The following PCDHGA9 variants were observed in gnomAD, a reference collection of about 807,000 sequenced individuals.
PCDHGA9 encodes protocadherin gamma-A9.
In PCDHGA9, 37 loss-of-function variants were observed where a neutral mutation model predicts 62.5. The ratio of observed to expected loss-of-function variants is 0.59; its 90% confidence interval spans 0.46 to 0.78. PCDHGA9 has a LOEUF of 0.78. PCDHGA9 is among the 30% of genes least tolerant of loss of function. PCDHGA9 has a pLI of 0.00. For synonymous variants in PCDHGA9, 459 were observed against 484.6 expected, an observed-to-expected ratio of 0.95 and a Z score of 0.69; for missense variants, 1,138 against 1,166.2, an observed-to-expected ratio of 0.98 and a Z score of 0.35.
intron 3 of PCDHGA9, among the ~76,000 whole-genome samples, chr5:141,507,760 T>G (rs2099863136): frequency 6.6e-6 from 1 of 152,202 alleles, no homozygotes; most frequent in Non-Finnish European, 1.5e-5. Context: ...GCCTCCCACC[T>G]TTGGCCCACA....
chr5:141,415,730 G>A lies in PCDHGA9; in HGVS notation c.2424+10354G>A. On this transcript the variant is annotated intron_variant, in intron 1 of 3. Transcript: ENST00000573521. Reference sequence around the variant, plus strand: ...AAAACACTGATGAGTAGAATTTGATGTTTATTAAGGTTTTTTTTTTTTTTT... The same window carrying A: ...AAAACACTGATGAGTAGAATTTGATATTTATTAAGGTTTTTTTTTTTTTTT... 4 of 476,826 alleles carry A rather than the reference G, an allele frequency of 8.4e-6. No individual in the cohort carries two copies. The South Asian group carries it at 2.0e-4, about 24-fold the overall frequency. The allele number at this position is 476,826 out of a possible 1,614,324, so 29.5% of individuals were successfully genotyped here. A position where few individuals can be genotyped will look rare whatever the true frequency, so the allele number is the denominator to read the frequency against.
In PCDHGA9 at chr5:141,421,044, C is replaced by A. The variant is rs556562994; in HGVS notation, c.2424+15668C>A. 5.5e-6 allele frequency: 3 copies of A among 548,610 alleles called. No individual in the cohort carries two copies. In the South Asian group the frequency reaches 8.2e-5, roughly 15 times the overall value. The allele number at this position is 548,610 out of a possible 1,614,324, so 34.0% of individuals were successfully genotyped here. A position where few individuals can be genotyped will look rare whatever the true frequency, so the allele number is the denominator to read the frequency against. ...CGCGCCATTGAGTCCCTCCCTCCCCCGCCTCTACCACACAAAGCGGAATGA... is the reference window on the plus strand; with the variant it reads ...CGCGCCATTGAGTCCCTCCCTCCCCAGCCTCTACCACACAAAGCGGAATGA... On this transcript the variant is annotated intron_variant, in intron 1 of 3. Transcript: ENST00000573521.
chr5:141,419,258 C>A, intron 1 of PCDHGA9: 3 of 1,614,028 alleles, frequency 1.9e-6, no homozygotes, highest in Non-Finnish European at 2.5e-6. Flanking sequence ...AAACAACCAG[C>A]CGGGTGCCTC....
intron 1 of PCDHGA9, among the ~76,000 whole-genome samples, chr5:141,447,413 C>T (rs1279399546): frequency 6.6e-6 from 1 of 152,204 alleles, no homozygotes; most frequent in Non-Finnish European, 1.5e-5. Flanking sequence ...GCTGGGATTA[C>T]AGGCGTGAGC....
At chr5:141,478,720 G>T (rs2154576937) in intron 1 of PCDHGA9, 1 of 1,543,694 alleles carries the variant, frequency 6.5e-7, no homozygotes, top group Admixed American at 2.0e-5. Context: ...ATGGTGGCCT[G>T]CCAGAGTGTG....
At chr5:141,405,804 C>T (rs1277295024) in intron 1 of PCDHGA9, among the ~76,000 whole-genome samples, 1 of 146,338 alleles carries the variant, frequency 6.8e-6, no homozygotes, top group Non-Finnish European at 1.5e-5. Context: ...AGTTAGCTTT[C>T]TCTTTAACTG....
At position 141,410,285 on chromosome 5, in the gene PCDHGA9, G is replaced by T. The variant is rs746596172; in HGVS notation, c.2424+4909G>T. 7 of 1,614,010 alleles carry T rather than the reference G, an allele frequency of 4.3e-6. No homozygotes were observed. The Admixed American group carries it at 1.2e-4, about 27-fold the overall frequency. ...TGAACTGCAGTTTTACCTGGTGGTGGCCTTGGCCTTAATCTCAGTGCTCTT... is the reference window on the plus strand; with the variant it reads ...TGAACTGCAGTTTTACCTGGTGGTGTCCTTGGCCTTAATCTCAGTGCTCTT... On this transcript the variant is annotated intron_variant, in intron 1 of 3. Coordinates refer to ENST00000573521, the MANE Select transcript of PCDHGA9 (RefSeq NM_018921.3).
chr5:141,502,866 CTTTT>C (rs549047197), intron 2 of PCDHGA9, among the ~76,000 whole-genome samples: 1 of 128,042 alleles, frequency 7.8e-6, no homozygotes. Context: ...GACTCTCTGT[CTTTT>C]TTTTTTTTTT....
At chr5:141,435,446 G>A (rs889481920) in intron 1 of PCDHGA9, among the ~76,000 whole-genome samples, 12 of 152,060 alleles carry the variant, frequency 7.9e-5, no homozygotes, top group Admixed American at 6.6e-4. Context: ...TCATTAATAC[G>A]ATATCTGTAT....
At chr5:141,472,172 T>A (rs548514406) in intron 1 of PCDHGA9, among the ~76,000 whole-genome samples, 11 of 152,326 alleles carry the variant, frequency 7.2e-5, no homozygotes, top group African/African-American at 2.6e-4. Context: ...AGGTGTAATA[T>A]CCAGTATTGG....
chr5:141,476,843 G>A lies in PCDHGA9; in HGVS notation c.2425-17964G>A, dbSNP rs2099399765. On this transcript the variant is annotated intron_variant, in intron 1 of 3. Transcript: ENST00000573521. The surrounding 1 kb of genome is among the most constrained non-coding windows in gnomAD (Gnocchi z 7.6). ...GCTGGACGCGAATGACAATGCGCCT[G>A]TCTTCAACCAGTCCTTGTACCGGGC... 1 of 1,613,706 alleles carries A rather than the reference G, an allele frequency of 6.2e-7. No individual in the cohort carries two copies. Among genetic ancestry groups the A allele is most frequent in the Non-Finnish European group, 8.5e-7 (1 of 1,180,046 alleles).
At chr5:141,471,571 A>G (rs1417147609) in intron 1 of PCDHGA9, 1 of 152,224 alleles carries the variant, frequency 6.6e-6, no homozygotes, top group African/African-American at 2.4e-5. Context: ...GGGTAGCAGT[A>G]GATAGGGTAA....
At chr5:141,458,132 G>C (rs2098938269) in intron 1 of PCDHGA9, among the ~76,000 whole-genome samples, 1 of 152,218 alleles carries the variant, frequency 6.6e-6, no homozygotes, top group South Asian at 2.1e-4. Flanking sequence ...GAACCAGGCA[G>C]AGAAAAATGA....
Position 141,486,912 on chromosome 5 carries a change from T to C in PCDHGA9, c.2425-7895T>C. The stretch of plus-strand genomic sequence containing the variant: ...CCTGGTTCCTTATGTCCCCAAGCAC[T>C]GCCTCCATCAGTTGGTGCTGGCCAC... On this transcript the variant is annotated intron_variant, in intron 1 of 3. Coordinates refer to ENST00000573521, the MANE Select transcript of PCDHGA9 (RefSeq NM_018921.3). This position sits in a 1 kb window ranked among gnomAD's most constrained non-coding sequence, Gnocchi z 5.0. The C allele has an allele frequency of 1.2e-6, 2 of 1,614,246 alleles. No homozygotes were observed. Among genetic ancestry groups the C allele is most frequent in the Non-Finnish European group, 1.7e-6 (2 of 1,180,040 alleles).
intron 1 of PCDHGA9, chr5:141,414,152 A>G (rs1251267001): frequency 1.9e-6 from 3 of 1,600,994 alleles, no homozygotes; most frequent in Non-Finnish European, 2.6e-6. Context: ...ATACAAGCAG[A>G]AGATGGAGGA....
In PCDHGA9 at chr5:141,485,804, G is replaced by C; in HGVS notation, c.2425-9003G>C. 6.2e-7 allele frequency: 1 copy of C among 1,614,218 alleles called. No homozygotes were observed. The highest frequency in any genetic ancestry group is 1.3e-5 in the African/African-American group (1 of 75,060). The stretch of plus-strand genomic sequence containing the variant: ...AGAGAAGCAATCGGACTACCGCCTG[G>C]TGCTGACTGCTGTCGATGGAGGGAA... On this transcript the variant is annotated intron_variant, in intron 1 of 3. Coordinates refer to ENST00000573521, the MANE Select transcript of PCDHGA9 (RefSeq NM_018921.3). This position sits in a 1 kb window ranked among gnomAD's most constrained non-coding sequence, Gnocchi z 5.7.
At position 141,431,580 on chromosome 5, in the gene PCDHGA9, A is replaced by G. The variant is rs777990962; in HGVS notation, c.2424+26204A>G. ...GCTACCGACCCTGACGAAGGAGTCA[A>G]TGCGGAAGTGAGGTATTCCTTCCGG... On this transcript the variant is annotated intron_variant, in intron 1 of 3. Coordinates refer to ENST00000573521, the MANE Select transcript of PCDHGA9 (RefSeq NM_018921.3). The surrounding 1 kb of genome is among the most constrained non-coding windows in gnomAD (Gnocchi z 4.8). 1.2e-5 allele frequency: 19 copies of G among 1,614,098 alleles called. No homozygotes were observed. Among genetic ancestry groups the G allele is most frequent in the Non-Finnish European group, 1.5e-5 (18 of 1,180,040 alleles).
intron 1 of PCDHGA9, chr5:141,430,741 A>T (rs370226249): frequency 6.7e-6 from 10 of 1,498,900 alleles, no homozygotes; most frequent in Non-Finnish European, 8.9e-6. Flanking sequence ...ATTGAAAATA[A>T]TTCTGGAGGA....
Position 141,432,331 on chromosome 5 carries a change from G to A in PCDHGA9, c.2424+26955G>A, listed in dbSNP as rs763952193. Reference sequence around the variant, plus strand: ...CGCTGAGCTCCTTCGACTACGAGCAGTTCCGAGACTTGCAAGTGAAAGTGA... The same window carrying A: ...CGCTGAGCTCCTTCGACTACGAGCAATTCCGAGACTTGCAAGTGAAAGTGA... On this transcript the variant is annotated intron_variant, in intron 1 of 3. Transcript: ENST00000573521. The surrounding 1 kb of genome is among the most constrained non-coding windows in gnomAD (Gnocchi z 6.0). The A allele has an allele frequency of 1.2e-6, 2 of 1,614,278 alleles. No individual in the cohort carries two copies. Among genetic ancestry groups the A allele is most frequent in the East Asian group, 2.2e-5 (1 of 44,888 alleles).
Sources: allele counts gnomAD v4.1 joint callset (sites outside exome capture counted in the v4.1 genomes callset), GRCh38; gene constraint gnomAD v4.1.1; non-coding constraint Gnocchi (gnomAD v3.1); transcripts MANE v1.5; gene names NCBI Gene and HGNC (gene_info 2026-07-23, HGNC 2026-07-21).